The following DENND6A variants were observed in gnomAD, a reference collection of about 807,000 sequenced individuals.
DENND6A encodes the protein protein DENND6A.
Under a neutral mutation model 95.5 loss-of-function variants are expected in DENND6A, and 43 were observed. That is an observed-to-expected ratio of 0.45 (90% CI 0.35 to 0.58). The LOEUF (loss-of-function observed/expected upper bound fraction) is 0.58, where lower values mean the gene tolerates loss of function less well. DENND6A is among the 20% of genes least tolerant of loss of function. The pLI, the probability that DENND6A is intolerant of heterozygous loss-of-function variation, is 0.00. For synonymous variants in DENND6A, 257 were observed against 260.4 expected, an observed-to-expected ratio of 0.99 and a Z score of 0.13; for missense variants, 574 against 736.0, an observed-to-expected ratio of 0.78 and a Z score of 2.55.
At chr3:57,661,343 C>A in intron 6 of DENND6A, 103 bp downstream of exon 6, 1 of 906,192 alleles carries the variant, frequency 1.1e-6, no homozygotes, top group South Asian at 2.3e-5. Context: ...TCCTTAAGTT[C>A]CTACCTGAAT....
At position 57,628,219 on chromosome 3, in the gene DENND6A, T is replaced by C. The variant is rs2153411555; in HGVS notation, c.1822A>G (p.Thr608Ala). The C allele has an allele frequency of 6.2e-7, 1 of 1,612,426 alleles. No homozygotes were observed. The highest frequency in any genetic ancestry group is 1.1e-5 in the South Asian group (1 of 90,742). The change falls in exon 20 of 20, where the codon ACA becomes GCA. Residue 608 changes from threonine to alanine, a missense_variant. Around this residue, in one of 2 missense-constraint regions of DENND6A, gnomAD observed 452 missense variants for 630.9 expected, o/e 0.72. Transcript: ENST00000311128. ...CTGGAAAATCTTGGCAAATATCATG[T>C]CATGCCCGTTTTGAGCAGTATGCCT... ...LQGILLKTGM[T>A] is the part of the protein sequence containing the mutation.
intron 9 of DENND6A, among the ~76,000 whole-genome samples, chr3:57,649,797 T>C (rs983497133): frequency 6.6e-6 from 1 of 151,392 alleles, no homozygotes; most frequent in Non-Finnish European, 1.5e-5. Flanking sequence ...CCTTGTTGGA[T>C]TGACCCCCCA....
chr3:57,636,496 G>C (rs113018385), intron 12 of DENND6A, among the ~76,000 whole-genome samples: 1,587 of 152,266 alleles, frequency 0.01, 18 homozygotes, highest in African/African-American at 0.036. Context: ...ATATGATACA[G>C]AGAAATGACA....
chr3:57,628,489 G>A (rs562370052), intron 19 of DENND6A, 144 bp from the exon 20 acceptor site: 3 of 1,192,242 alleles, frequency 2.5e-6, no homozygotes, highest in African/African-American at 1.5e-5. Flanking sequence ...AAAAAAGCAA[G>A]GAGCATTCTA....
chr3:57,645,988 C>T (rs2071072040), intron 10 of DENND6A, among the ~76,000 whole-genome samples: 1 of 152,158 alleles, frequency 6.6e-6, no homozygotes, highest in African/African-American at 2.4e-5. Flanking sequence ...TCTGGCTCTA[C>T]TGTTCACTAG....
chr3:57,633,157 A>C (rs558246596), intron 15 of DENND6A, 108 bp downstream of exon 15: 228 of 901,260 alleles, frequency 2.5e-4, no homozygotes, highest in Non-Finnish European at 3.5e-4. Flanking sequence ...TAAATATACC[A>C]GGCTGGCAAA....
chr3:57,632,218 G>A (rs1027220203), intron 15 of DENND6A, among the ~76,000 whole-genome samples: 1 of 149,424 alleles, frequency 6.7e-6, no homozygotes, highest in Non-Finnish European at 1.5e-5. Context: ...ACGAGACGGG[G>A]TTTCACCGTG....
chr3:57,628,981 A>G, intron 18 of DENND6A, 96 bp from the exon 19 acceptor site: 1 of 1,069,758 alleles, frequency 9.3e-7, no homozygotes, highest in Non-Finnish European at 1.4e-6. Context: ...AAAGACAAGA[A>G]GGAAAAGGAG....
chr3:57,672,520 C>T (rs1241429245), intron 1 of DENND6A, 82 bp from the exon 2 acceptor site: 11 of 1,410,156 alleles, frequency 7.8e-6, no homozygotes, highest in African/African-American at 1.4e-5. Flanking sequence ...CGGTGGCTCA[C>T]GCTGGTAATC....
At chr3:57,686,288 A>C (rs974642148) in intron 1 of DENND6A, among the ~76,000 whole-genome samples, 8 of 152,220 alleles carry the variant, frequency 5.3e-5, no homozygotes, top group Non-Finnish European at 1.2e-4. Flanking sequence ...AAACAGCTCA[A>C]AGTTACTAAA....
intron 9 of DENND6A, among the ~76,000 whole-genome samples, chr3:57,653,922 G>GA (rs1161016419): frequency 7.0e-6 from 1 of 142,558 alleles, no homozygotes; most frequent in East Asian, 2.0e-4. Flanking sequence ...CATGCCTTGG[G>GA]AAAATAATTA....
At chr3:57,630,607 T>C in intron 17 of DENND6A, 84 bp from the exon 18 acceptor site, 1 of 1,524,854 alleles carries the variant, frequency 6.6e-7, no homozygotes, top group South Asian at 1.2e-5. Flanking sequence ...GAGAACCATG[T>C]CAAACTTTAG....
At chr3:57,638,790 T>C (rs866594638) in intron 12 of DENND6A, among the ~76,000 whole-genome samples, 1 of 151,816 alleles carries the variant, frequency 6.6e-6, no homozygotes, top group South Asian at 2.1e-4. Flanking sequence ...CCCATTAGGA[T>C]GGTTACTATC....
At chr3:57,636,633 C>A (rs2070798178) in intron 12 of DENND6A, among the ~76,000 whole-genome samples, 1 of 152,098 alleles carries the variant, frequency 6.6e-6, no homozygotes, top group Non-Finnish European at 1.5e-5. Flanking sequence ...GTTAAGCCAA[C>A]TTGTAAGAGA....
At chr3:57,654,351 CAT>C (rs2071279398) in intron 9 of DENND6A, among the ~76,000 whole-genome samples, 1 of 152,150 alleles carries the variant, frequency 6.6e-6, no homozygotes, top group African/African-American at 2.4e-5. Flanking sequence ...AGGAAATCAA[CAT>C]GTGTCAGATA....
At chr3:57,681,171 A>C (rs2077160513) in intron 1 of DENND6A, among the ~76,000 whole-genome samples, 1 of 152,184 alleles carries the variant, frequency 6.6e-6, no homozygotes, top group Non-Finnish European at 1.5e-5. Context: ...TCCTCAAAAA[A>C]GTTTAAAAAT....
At chr3:57,641,808 TGA>T in intron 11 of DENND6A, 61 bp from the exon 12 acceptor site, 1 of 1,386,720 alleles carries the variant, frequency 7.2e-7, no homozygotes, top group South Asian at 1.2e-5. Context: ...GCTAAATCAG[TGA>T]AGAATAGTTT....
chr3:57,648,375 C>T (rs978863475), intron 9 of DENND6A, among the ~76,000 whole-genome samples: 6 of 152,126 alleles, frequency 3.9e-5, no homozygotes, highest in Admixed American at 3.9e-4. Context: ...GGAAACACAT[C>T]CTATGCTCAT....
At chr3:57,676,638 A>G (rs1014360601) in intron 1 of DENND6A, among the ~76,000 whole-genome samples, 2 of 151,940 alleles carry the variant, frequency 1.3e-5, no homozygotes, top group African/African-American at 4.8e-5. Context: ...TAGCTAAGTA[A>G]AAAAAAGGGG....
Sources: allele counts gnomAD v4.1 joint callset (sites outside exome capture counted in the v4.1 genomes callset), GRCh38; gene constraint gnomAD v4.1.1; regional missense constraint gnomAD v4.1.1; transcripts MANE v1.5; gene names NCBI Gene and HGNC (gene_info 2026-07-23, HGNC 2026-07-21).